Variants in SOCS5 observed in about 807,000 individuals in gnomAD.
The protein encoded by SOCS5 is suppressor of cytokine signaling 5.
A neutral mutation model predicts 42.8 loss-of-function variants in SOCS5; 32 were observed. That is an observed-to-expected ratio of 0.75 (90% CI 0.56 to 1.01). The LOEUF (loss-of-function observed/expected upper bound fraction) is 1.01. Ranked by LOEUF, SOCS5 falls within the 50% of genes least tolerant of loss-of-function variation. SOCS5 has a pLI of 0.00. For missense variants in SOCS5, 627 were observed against 653.0 expected (o/e 0.96, Z 0.43); for synonymous variants, 283 against 229.6 (o/e 1.23, Z -2.10).
intron 1 of SOCS5, among the ~76,000 whole-genome samples, chr2:46,735,189 G>C (rs1003615613): frequency 1.1e-4 from 16 of 152,282 alleles, no homozygotes; most frequent in African/African-American, 3.9e-4. Flanking sequence ...TTGCAGTGTA[G>C]GGCTAAAATG....
chr2:46,699,111 G>A (rs1417996507), upstream of SOCS5: 2 of 152,906 alleles, frequency 1.3e-5, no homozygotes, highest in Admixed American at 6.5e-5. This position sits in a 1 kb window ranked among gnomAD's most constrained non-coding sequence, Gnocchi z 4.8. Flanking sequence ...TATTGGTCAC[G>A]GTAGGCTGCC....
chr2:46,738,190 C>T (rs920934844), intron 1 of SOCS5, among the ~76,000 whole-genome samples: 2 of 151,978 alleles, frequency 1.3e-5, no homozygotes, highest in Non-Finnish European at 2.9e-5. Flanking sequence ...GAATGTGAGG[C>T]GCAAGATGCT....
At chr2:46,701,996 A>G (rs1257567538) in intron 1 of SOCS5, among the ~76,000 whole-genome samples, 1 of 151,838 alleles carries the variant, frequency 6.6e-6, no homozygotes, top group Non-Finnish European at 1.5e-5. Flanking sequence ...TATCATAGTT[A>G]TAATAGAGAA....
At chr2:46,756,813 A>G (rs1212950761) in intron 1 of SOCS5, among the ~76,000 whole-genome samples, 2 of 152,228 alleles carry the variant, frequency 1.3e-5, no homozygotes, top group Non-Finnish European at 2.9e-5. Context: ...TGGGCAAGGA[A>G]CGGAAATCTT....
intron 1 of SOCS5, among the ~76,000 whole-genome samples, chr2:46,740,795 C>A (rs1050654114): frequency 1.3e-5 from 2 of 152,114 alleles, no homozygotes; most frequent in Non-Finnish European, 2.9e-5. Flanking sequence ...TTCTCAGTCC[C>A]AGTATCCTTG....
chr2:46,728,994 G>C (rs1330263033), intron 1 of SOCS5, among the ~76,000 whole-genome samples: 1 of 152,166 alleles, frequency 6.6e-6, no homozygotes, highest in Admixed American at 6.5e-5. Context: ...CTCTACCTCA[G>C]ATCTACTGAA....
intron 1 of SOCS5, among the ~76,000 whole-genome samples, chr2:46,712,911 T>C (rs1672661038): frequency 6.6e-6 from 1 of 152,218 alleles, no homozygotes; most frequent in South Asian, 2.1e-4. Flanking sequence ...ACTTTTTTTA[T>C]GAATTAGGAG....
At chr2:46,700,647 A>G (rs1672319649) in intron 1 of SOCS5, among the ~76,000 whole-genome samples, 1 of 152,182 alleles carries the variant, frequency 6.6e-6, no homozygotes, top group Non-Finnish European at 1.5e-5. Flanking sequence ...CAATACTAAA[A>G]TCAGGTTGAG....
chr2:46,728,164 C>T (rs575569547), intron 1 of SOCS5, among the ~76,000 whole-genome samples: 6 of 152,074 alleles, frequency 3.9e-5, no homozygotes, highest in Non-Finnish European at 7.4e-5. Context: ...TGGCAGGATA[C>T]AAGAGGAGAA....
chr2:46,720,301 G>A (rs13402099), intron 1 of SOCS5, among the ~76,000 whole-genome samples: 11,273 of 152,238 alleles, frequency 0.074, 525 homozygotes, highest in Middle Eastern at 0.19. Context: ...GATTCCTGCA[G>A]ACATTGCTGG....
intron 1 of SOCS5, among the ~76,000 whole-genome samples, chr2:46,756,185 T>C (rs1323982455): frequency 6.6e-6 from 1 of 152,190 alleles, no homozygotes; most frequent in Admixed American, 6.5e-5. Context: ...AGTTATTTTT[T>C]GGGTATAATT....
intron 1 of SOCS5, among the ~76,000 whole-genome samples, chr2:46,755,984 A>G (rs1673723244): frequency 6.6e-6 from 1 of 152,164 alleles, no homozygotes; most frequent in Non-Finnish European, 1.5e-5. Flanking sequence ...GTCTGATAAC[A>G]TGCTCCAGAA....
At position 46,762,949 on chromosome 2, in the gene SOCS5, T is replaced by A. The variant is rs1433727550; in HGVS notation, c.*2808T>A. The A allele has an allele frequency of 6.0e-6, 1 of 167,038 alleles. No individual in the cohort carries two copies. 10.3% of individuals were successfully genotyped at this position (167,038 alleles called of 1,614,324 possible). A position where few individuals can be genotyped will look rare whatever the true frequency, so the allele number is the denominator to read the frequency against. On this transcript the variant is annotated 3_prime_UTR_variant, in exon 2 of 2. Transcript: ENST00000394861. ...ATATTTATGTATGCACATATATACATTTATGTTGTTAATATTACTTTAGAT... is the reference window on the plus strand; with the variant it reads ...ATATTTATGTATGCACATATATACAATTATGTTGTTAATATTACTTTAGAT...
intron 1 of SOCS5, among the ~76,000 whole-genome samples, chr2:46,746,922 C>CTTTTTTTTTTTT (rs11373537): frequency 1.3e-3 from 92 of 70,814 alleles, no homozygotes; most frequent in Non-Finnish European, 1.8e-3. Context: ...GACTTTATTT[C>CTTTTTTTTTTTT]TTTTTTTTTT....
intron 1 of SOCS5, among the ~76,000 whole-genome samples, chr2:46,700,236 A>C (rs1295570120): frequency 1.3e-5 from 2 of 152,210 alleles, no homozygotes; most frequent in African/African-American, 2.4e-5. Context: ...TCACAAGGAA[A>C]TTTTGACATT....
intron 1 of SOCS5, among the ~76,000 whole-genome samples, chr2:46,737,749 A>G (rs1448500929): frequency 6.6e-6 from 1 of 152,164 alleles, no homozygotes; most frequent in Non-Finnish European, 1.5e-5. Flanking sequence ...GTCATGCTTT[A>G]CTGGCCAACT....
intron 1 of SOCS5, among the ~76,000 whole-genome samples, chr2:46,702,618 G>A (rs1018231955): frequency 1.6e-4 from 25 of 152,150 alleles, no homozygotes; most frequent in African/African-American, 6.0e-4. Flanking sequence ...GGAACCATGG[G>A]AAAATCATTG....
At chr2:46,732,763 G>C (rs561865743) in intron 1 of SOCS5, among the ~76,000 whole-genome samples, 1 of 152,278 alleles carries the variant, frequency 6.6e-6, no homozygotes, top group South Asian at 2.1e-4. Context: ...TGACCCCTTT[G>C]AGAATATTAT....
chr2:46,726,981 C>G (rs960205446), intron 1 of SOCS5, among the ~76,000 whole-genome samples: 3 of 151,812 alleles, frequency 2.0e-5, no homozygotes, highest in African/African-American at 7.3e-5. Flanking sequence ...GTCTCGAACT[C>G]CCGATCTCAG....
Sources: allele counts gnomAD v4.1 joint callset (sites outside exome capture counted in the v4.1 genomes callset), GRCh38; gene constraint gnomAD v4.1.1; non-coding constraint Gnocchi (gnomAD v3.1); transcripts MANE v1.5; gene names NCBI Gene and HGNC (gene_info 2026-07-23, HGNC 2026-07-21).